The following PTPN13 variants were observed in gnomAD, a reference collection of about 807,000 sequenced individuals.
The protein encoded by PTPN13 is protein tyrosine phosphatase non-receptor type 13.
PTPN13 carries 191 observed loss-of-function variants against 284.0 expected under a neutral mutation model. That is an observed-to-expected ratio of 0.67 (90% CI 0.60 to 0.76). The LOEUF (loss-of-function observed/expected upper bound fraction) is 0.76. Among genes scored for constraint, PTPN13 ranks in the 30% least tolerant of loss-of-function variants. PTPN13 has a pLI of 0.00. For missense variants in PTPN13, 2,797 were observed against 2,939.9 expected (o/e 0.95, Z 1.12); for synonymous variants, 986 against 1,022.3 (o/e 0.96, Z 0.68).
chr4:86,774,718 TATA>T (rs753204773), intron 33 of PTPN13, among the ~76,000 whole-genome samples, 187 bp downstream of exon 33: 1 of 149,690 alleles, frequency 6.7e-6, no homozygotes, highest in African/African-American at 2.4e-5. Context: ...TATATATATA[TATA>T]TTTTTTACTA....
At chr4:86,611,683 G>A (rs1355249594) in intron 1 of PTPN13, among the ~76,000 whole-genome samples, 1 of 152,164 alleles carries the variant, frequency 6.6e-6, no homozygotes, top group African/African-American at 2.4e-5. Flanking sequence ...TGCGGCATAT[G>A]GTGGGAGAAA....
At chr4:86,667,198 T>A (rs995864096) in intron 2 of PTPN13, among the ~76,000 whole-genome samples, 2 of 152,210 alleles carry the variant, frequency 1.3e-5, no homozygotes, top group Non-Finnish European at 2.9e-5. Flanking sequence ...ACCACCAGAA[T>A]ATAAATTCTT....
At chr4:86,648,913 A>G (rs1417828483) in intron 2 of PTPN13, among the ~76,000 whole-genome samples, 12 of 152,040 alleles carry the variant, frequency 7.9e-5, no homozygotes, top group Non-Finnish European at 2.9e-5. Context: ...TCTTTTTTAT[A>G]CAAGTCATTT....
At chr4:86,777,154 A>G (rs967112680) in intron 35 of PTPN13, among the ~76,000 whole-genome samples, 3 of 152,234 alleles carry the variant, frequency 2.0e-5, no homozygotes, top group African/African-American at 7.2e-5. Context: ...TAGTGGCTTA[A>G]AACAACACAA....
intron 1 of PTPN13, among the ~76,000 whole-genome samples, chr4:86,618,558 A>G (rs1720858566): frequency 6.6e-6 from 1 of 152,208 alleles, no homozygotes; most frequent in Non-Finnish European, 1.5e-5. Flanking sequence ...CCTACCCATG[A>G]GCATAGACTG....
At chr4:86,749,338 T>C (rs1469888235) in intron 17 of PTPN13, among the ~76,000 whole-genome samples, 2 of 151,228 alleles carry the variant, frequency 1.3e-5, no homozygotes, top group South Asian at 2.1e-4. Context: ...ATCATCATCA[T>C]CACCTGGCAC....
In PTPN13 at chr4:86,814,438, C is replaced by G. The variant is rs1017711773; in HGVS notation, c.7363-18C>G. The G allele has an allele frequency of 5.9e-6, 9 of 1,517,888 alleles. No homozygotes were observed. Among genetic ancestry groups the G allele is most frequent in the Non-Finnish European group, 6.4e-6 (7 of 1,094,856 alleles). The allele number at this position is 1,517,888 out of a possible 1,614,324, so 94.0% of individuals were successfully genotyped here. A position where few individuals can be genotyped will look rare whatever the true frequency, so the allele number is the denominator to read the frequency against. On this transcript the variant is annotated intron_variant, in intron 47 of 47. Transcript: ENST00000411767. ...ATTATACATCTAAAGTATTCTATCT[C>G]ACTTTTTTTGGCCATAGGATCAATA...
chr4:86,658,877 G>T (rs141496920), intron 2 of PTPN13, among the ~76,000 whole-genome samples: 2 of 152,206 alleles, frequency 1.3e-5, no homozygotes, highest in East Asian at 3.9e-4. Flanking sequence ...CAAGGAGAAG[G>T]TTTTTAAAGC....
intron 15 of PTPN13, among the ~76,000 whole-genome samples, chr4:86,740,518 G>A (rs978570110): frequency 2.6e-5 from 4 of 152,138 alleles, no homozygotes; most frequent in African/African-American, 9.7e-5. Flanking sequence ...GGGACCCTGG[G>A]CCCGGCCCAC....
intron 28 of PTPN13, among the ~76,000 whole-genome samples, chr4:86,769,069 G>A (rs374997751): frequency 1.5e-4 from 23 of 151,774 alleles, no homozygotes; most frequent in African/African-American, 5.6e-4. Context: ...CATGAGCAAA[G>A]ACTTTAAATG....
At chr4:86,797,300 T>G (rs1183419512) in intron 41 of PTPN13, among the ~76,000 whole-genome samples, 1 of 152,062 alleles carries the variant, frequency 6.6e-6, no homozygotes, top group Non-Finnish European at 1.5e-5. Context: ...GAGACCAGCC[T>G]GGCCAACATG....
intron 7 of PTPN13, among the ~76,000 whole-genome samples, chr4:86,714,505 C>G (rs1732788010): frequency 1.3e-5 from 2 of 152,092 alleles, no homozygotes; most frequent in Non-Finnish European, 2.9e-5. Flanking sequence ...TTATTATCCA[C>G]CACCTGAAAT....
At chr4:86,703,905 G>A (rs1731435954) in intron 7 of PTPN13, among the ~76,000 whole-genome samples, 1 of 152,090 alleles carries the variant, frequency 6.6e-6, no homozygotes, top group African/African-American at 2.4e-5. Context: ...AGGCGTGGTG[G>A]CTCATGCCTG....
intron 9 of PTPN13, among the ~76,000 whole-genome samples, chr4:86,718,090 T>G (rs1365395684): frequency 6.6e-6 from 1 of 152,182 alleles, no homozygotes; most frequent in East Asian, 1.9e-4. Context: ...ATGTGTGTCT[T>G]TGTCGTGTAT....
chr4:86,677,375 C>T (rs1728402869), intron 3 of PTPN13, among the ~76,000 whole-genome samples: 1 of 147,746 alleles, frequency 6.8e-6, no homozygotes, highest in Admixed American at 6.7e-5. Context: ...AGTGCAGTGG[C>T]ACGATCTCAG....
chr4:86,743,418 A>G (rs1272798023), intron 16 of PTPN13, among the ~76,000 whole-genome samples: 4 of 152,110 alleles, frequency 2.6e-5, no homozygotes, highest in African/African-American at 7.2e-5. Flanking sequence ...TTTTACAACT[A>G]TGGAGTTCAG....
chr4:86,771,343 G>A lies in PTPN13; in HGVS notation c.4976G>A (p.Gly1659Glu), dbSNP rs200197835. 1.2e-3 allele frequency: 1,976 copies of A among 1,592,468 alleles called. 5 individuals are homozygous for A. Among genetic ancestry groups the A allele is most frequent in the Middle Eastern group, 9.1e-3 (55 of 6,046 alleles). ...RDSYSDSSGS[G>E]EDDLVTAPAN... Reference sequence around the variant, plus strand: ...AGTTACAGTGACAGCAGTGGGAGTGGAGAAGATGACTTAGTGACAGCTCCA... The same window carrying A: ...AGTTACAGTGACAGCAGTGGGAGTGAAGAAGATGACTTAGTGACAGCTCCA... The change falls in exon 31 of 48, where the codon GGA (glycine) becomes GAA (glutamate). Residue 1659 changes from glycine to glutamate, a missense_variant. Coordinates refer to ENST00000411767, the MANE Select transcript of PTPN13 (RefSeq NM_080683.3).
intron 37 of PTPN13, among the ~76,000 whole-genome samples, chr4:86,782,470 A>T (rs535502273): frequency 8.5e-5 from 13 of 152,346 alleles, no homozygotes; most frequent in African/African-American, 3.1e-4. Context: ...TACATCATTT[A>T]GCACACACTC....
At chr4:86,814,419 C>T (rs763482088) in intron 47 of PTPN13, 37 bp from the exon 48 acceptor site, 18 of 1,279,198 alleles carry the variant, frequency 1.4e-5, no homozygotes, top group Non-Finnish European at 1.9e-5. Context: ...TTACATTATA[C>T]ATCTAAAGTA....
Sources: gnomAD v4.1 joint callset for allele counts (sites outside exome capture counted in the v4.1 genomes callset) on GRCh38, gnomAD v4.1.1 for gene constraint, MANE v1.5 for transcripts, NCBI Gene and HGNC (gene_info 2026-07-23, HGNC 2026-07-21) for gene names.